The following FYN variants were observed in gnomAD, a reference collection of about 807,000 sequenced individuals.
FYN encodes tyrosine-protein kinase Fyn.
FYN carries 10 observed loss-of-function variants against 70.2 expected under a neutral mutation model. The observed-to-expected ratio is 0.14, with a 90% CI of 0.09 to 0.24. The LOEUF (loss-of-function observed/expected upper bound fraction) is 0.24. Ranked by LOEUF, FYN falls within the 10% of genes least tolerant of loss-of-function variation. FYN has a pLI of 1.00. For missense variants in FYN, 319 were observed against 673.1 expected (o/e 0.47, Z 5.82); for synonymous variants, 236 against 248.6 (o/e 0.95, Z 0.48).
At chr6:111,688,801 G>A in intron 12 of FYN, among the ~76,000 whole-genome samples, 1 of 152,168 alleles carries the variant, frequency 6.6e-6, no homozygotes, top group Non-Finnish European at 1.5e-5. Flanking sequence ...ATGCAAATAT[G>A]AGAAAATAGG....
chr6:111,731,311 T>C (rs768240895), intron 3 of FYN, among the ~76,000 whole-genome samples: 14 of 152,256 alleles, frequency 9.2e-5, no homozygotes, highest in South Asian at 2.1e-4. Flanking sequence ...AGAAAGGACT[T>C]TGAAGAAGGA....
intron 2 of FYN, among the ~76,000 whole-genome samples, chr6:111,831,376 T>A (rs1021689001): frequency 6.6e-6 from 1 of 152,212 alleles, no homozygotes; most frequent in African/African-American, 2.4e-5. Context: ...GCAAACATAC[T>A]TAACTCAAAT....
rs1281797972 is a variant in FYN, at chr6:111,714,410, T to TCA, written c.279_280dup (p.Glu94ValfsTer9). On this transcript the variant is annotated frameshift_variant, in exon 5 of 14. Transcript: ENST00000354650. LOFTEE classifies it high-confidence loss of function. ...ACTCAGGTCATCTTCTGTCCGTGCT[T>TCA]CATAGTCATAAAGGGCCACAAAGAG... The TCA allele has an allele frequency of 6.2e-7, 1 of 1,614,182 alleles. No homozygotes were observed. The highest frequency in any genetic ancestry group is 8.5e-7 in the Non-Finnish European group (1 of 1,180,018).
intron 3 of FYN, among the ~76,000 whole-genome samples, chr6:111,756,620 G>A (rs1416391260): frequency 3.3e-5 from 5 of 152,154 alleles, no homozygotes; most frequent in African/African-American, 9.6e-5. Context: ...AATATATCAC[G>A]ACTAATGTGG....
chr6:111,842,736 G>C (rs1176214682), intron 2 of FYN, among the ~76,000 whole-genome samples: 1 of 152,188 alleles, frequency 6.6e-6, no homozygotes, highest in Non-Finnish European at 1.5e-5. Context: ...TCCTGATGCG[G>C]CCTCAAATTT....
chr6:111,699,902 C>A, intron 9 of FYN: 1 of 664,380 alleles, frequency 1.5e-6, no homozygotes, highest in Admixed American at 3.4e-5. Context: ...CCAATTTTGC[C>A]CACTTACTAT....
In FYN at chr6:111,719,827, G is replaced by C; in HGVS notation, c.225C>G (p.Thr75=). ...GGVNSSSHTG[T]LRTRGGTGVT... ...TACCTGTTCCTCCTCTCGTACGCAAGGTCCCCGTATGAGACGAAGAGTTCA... is the reference window on the plus strand; with the variant it reads ...TACCTGTTCCTCCTCTCGTACGCAACGTCCCCGTATGAGACGAAGAGTTCA... Residue 75 remains threonine (T), a synonymous_variant, in exon 4 of 14, where the codon ACC becomes ACG. Transcript: ENST00000354650. 6.2e-7 allele frequency: 1 copy of C among 1,614,100 alleles called. No homozygotes were observed. Among genetic ancestry groups the C allele is most frequent in the South Asian group, 1.1e-5 (1 of 91,072 alleles).
At chr6:111,840,166 A>C (rs376168416) in intron 2 of FYN, among the ~76,000 whole-genome samples, 2 of 152,300 alleles carry the variant, frequency 1.3e-5, no homozygotes, top group South Asian at 2.1e-4. Context: ...AAATTACAGA[A>C]ATTCCCAAAT....
intron 7 of FYN, 80 bp from the exon 8 acceptor site, chr6:111,703,114 GA>G: frequency 2.2e-6 from 3 of 1,348,742 alleles, no homozygotes; most frequent in Non-Finnish European, 3.1e-6. Context: ...TCTTGACTCT[GA>G]TTAATAATTA....
At chr6:111,755,708 C>T (rs1260912644) in intron 3 of FYN, among the ~76,000 whole-genome samples, 2 of 152,088 alleles carry the variant, frequency 1.3e-5, no homozygotes, top group Admixed American at 6.5e-5. Flanking sequence ...GTTAGAAATC[C>T]GTAACAAAAT....
At chr6:111,765,606 T>C (rs1255308543) in intron 3 of FYN, among the ~76,000 whole-genome samples, 2 of 152,222 alleles carry the variant, frequency 1.3e-5, no homozygotes, top group African/African-American at 4.8e-5. Context: ...GCGTGTGTTA[T>C]CTATGAATAT....
chr6:111,665,626 A>T (rs893059674), intron 13 of FYN, among the ~76,000 whole-genome samples: 5 of 151,456 alleles, frequency 3.3e-5, no homozygotes, highest in African/African-American at 9.7e-5. Context: ...TTTTTTATTT[A>T]TTTATTTTTT....
chr6:111,736,893 T>C (rs1801733729), intron 3 of FYN, among the ~76,000 whole-genome samples: 1 of 152,236 alleles, frequency 6.6e-6, no homozygotes, highest in Non-Finnish European at 1.5e-5. Flanking sequence ...TAACAATTAG[T>C]GGATCTGCAT....
At chr6:111,798,434 T>C (rs1271882749) in intron 2 of FYN, 1 of 152,226 alleles carries the variant, frequency 6.6e-6, no homozygotes, top group Non-Finnish European at 1.5e-5. Flanking sequence ...AGTGAATTCT[T>C]TGACTTTGAC....
intron 13 of FYN, among the ~76,000 whole-genome samples, chr6:111,663,284 C>T (rs1797846979): frequency 6.6e-6 from 1 of 152,244 alleles, no homozygotes; most frequent in Admixed American, 6.5e-5. Flanking sequence ...CCCAGGGCTA[C>T]AGCCAGCAGG....
At chr6:111,866,909 C>G (rs1174853554) in intron 1 of FYN, among the ~76,000 whole-genome samples, 2 of 152,168 alleles carry the variant, frequency 1.3e-5, no homozygotes, top group Non-Finnish European at 2.9e-5. Context: ...GACTTCTCCC[C>G]CTCTAGTTCT....
chr6:111,781,476 G>A (rs528880933), intron 2 of FYN, among the ~76,000 whole-genome samples: 1 of 152,278 alleles, frequency 6.6e-6, no homozygotes, highest in Admixed American at 6.5e-5. Context: ...AACCTACACA[G>A]CCTGTCTTTC....
chr6:111,736,184 CAG>C (rs906225984), intron 3 of FYN, among the ~76,000 whole-genome samples: 8 of 152,328 alleles, frequency 5.3e-5, no homozygotes, highest in Admixed American at 1.3e-4. Context: ...TGTGAGGTCA[CAG>C]GGGATCACCA....
In FYN at chr6:111,823,778, A is replaced by T. The variant is rs1484611112; in HGVS notation, c.-82+22811T>A. On this transcript the variant is annotated intron_variant, in intron 2 of 13. Transcript: ENST00000354650. ...GTGTCTGGGTGGGAAGCCCAAATTA[A>T]CTGGTCATTTTGAAAAGGAAGCCAT... Among the ~76,000 whole-genome samples, 4 of 152,284 alleles carry T rather than the reference A, an allele frequency of 2.6e-5. No individual in the cohort carries two copies. The East Asian group carries it at 7.7e-4, about 29-fold the overall frequency.
Sources: allele counts gnomAD v4.1 joint callset (sites outside exome capture counted in the v4.1 genomes callset), GRCh38; gene constraint gnomAD v4.1.1; transcripts MANE v1.5; gene names NCBI Gene and HGNC (gene_info 2026-07-23, HGNC 2026-07-21).